The following HUNK variants were observed in gnomAD, a reference collection of about 807,000 sequenced individuals.
HUNK encodes the protein hormonally up-regulated Neu-associated kinase.
In HUNK, 21 loss-of-function variants were observed where a neutral mutation model predicts 61.0. The ratio of observed to expected loss-of-function variants is 0.34; its 90% CI spans 0.24 to 0.50. The LOEUF (loss-of-function observed/expected upper bound fraction) is 0.50. Among genes scored for constraint, HUNK ranks in the 20% least tolerant of loss-of-function variants. HUNK has a pLI of 0.98. For synonymous variants in HUNK, 371 were observed against 386.1 expected, an observed-to-expected ratio of 0.96 and a Z score of 0.46; for missense variants, 772 against 945.7, an observed-to-expected ratio of 0.82 and a Z score of 2.41.
chr21:31,974,968 C>G (rs552693081), intron 7 of HUNK, among the ~76,000 whole-genome samples: 34 of 151,754 alleles, frequency 2.2e-4, no homozygotes, highest in Admixed American at 2.0e-3. Context: ...GTTCAAGCCT[C>G]TTTTTCCTTC....
At chr21:31,903,473 A>G (rs903565561) in intron 1 of HUNK, among the ~76,000 whole-genome samples, 4 of 152,214 alleles carry the variant, frequency 2.6e-5, no homozygotes, top group African/African-American at 9.6e-5. Context: ...TGTGGAGTTG[A>G]AAATAATTTT....
At chr21:31,919,067 A>T (rs58863970) in intron 1 of HUNK, among the ~76,000 whole-genome samples, 183 of 82,000 alleles carry the variant, frequency 2.2e-3, no homozygotes, top group African/African-American at 0.01. Context: ...CGGTATGAGG[A>T]TGAGGGGCTG....
chr21:31,914,368 A>G (rs1251863162), intron 1 of HUNK, among the ~76,000 whole-genome samples: 2 of 123,822 alleles, frequency 1.6e-5, no homozygotes, highest in African/African-American at 3.1e-5. Context: ...AGATCTTGCC[A>G]TTGTACTCCA....
rs2123258889 is a variant in HUNK, at chr21:31,995,748, T to C, written c.1306-20T>C. 6.2e-7 allele frequency: 1 copy of C among 1,605,452 alleles called. No individual in the cohort carries two copies. Among genetic ancestry groups the C allele is most frequent in the Middle Eastern group, 1.7e-4 (1 of 6,020 alleles). On this transcript the variant is annotated intron_variant, in intron 9 of 10. Coordinates refer to ENST00000270112, the MANE Select transcript of HUNK (RefSeq NM_014586.2). ...CTTCTAGTATGTGTCTAAGTGCATA[T>C]GTTTGCTTCTGATTTGTAGGATAAA...
In HUNK at chr21:31,958,901, A is replaced by G; in HGVS notation, c.805A>G (p.Ser269Gly). The part of the protein sequence containing the change: ...GTLPFTVEPF[S>G]LRALYQKMVD... The stretch of plus-strand genomic sequence containing the variant: ...GCTGCCTTTCACGGTGGAGCCTTTC[A>G]GCCTGAGGGCTTTGTACCAGAAGAT... Residue 269 changes from serine to glycine, a missense_variant, in exon 5 of 11, where the codon AGC becomes GGC. Ser to Gly is a moderately conservative substitution (Grantham distance 56). This residue lies in a region of HUNK where 359 missense variants were observed against 501.3 expected (regional missense o/e 0.72). Transcript: ENST00000270112. 1 of 1,611,650 alleles carries G rather than the reference A, an allele frequency of 6.2e-7. No homozygotes were observed. The highest frequency in any genetic ancestry group is 8.5e-7 in the Non-Finnish European group (1 of 1,179,210).
At chr21:31,978,811 C>T (rs186029417) in intron 7 of HUNK, among the ~76,000 whole-genome samples, 17 of 152,234 alleles carry the variant, frequency 1.1e-4, no homozygotes, top group African/African-American at 4.1e-4. Context: ...TATGTGTCTT[C>T]AACATACTGA....
chr21:31,895,435 A>G (rs541555169), intron 1 of HUNK, among the ~76,000 whole-genome samples: 6 of 152,340 alleles, frequency 3.9e-5, no homozygotes, highest in African/African-American at 1.4e-4. Context: ...AAATGGTGTG[A>G]CAATTTAATA....
In HUNK at chr21:31,958,161, A is replaced by G. The variant is rs146719707; in HGVS notation, c.747-682A>G. Among the ~76,000 whole-genome samples, 280 of 151,908 alleles carry G rather than the reference A, an allele frequency of 1.8e-3. 2 individuals are homozygous for G. Among genetic ancestry groups the G allele is most frequent in the Middle Eastern group, 6.8e-3 (2 of 294 alleles). On this transcript the variant is annotated intron_variant, in intron 4 of 10. Coordinates refer to ENST00000270112, the MANE Select transcript of HUNK (RefSeq NM_014586.2). ...TTGTTGTTGACTTCTTCCTGCCATAACATTCGGAGAGAGCAGAGGGCCATG... is the reference window on the plus strand; with the variant it reads ...TTGTTGTTGACTTCTTCCTGCCATAGCATTCGGAGAGAGCAGAGGGCCATG...
intron 7 of HUNK, among the ~76,000 whole-genome samples, chr21:31,976,137 G>GA (rs1268368364): frequency 2.6e-5 from 4 of 152,070 alleles, no homozygotes; most frequent in Non-Finnish European, 4.4e-5. Context: ...TTTTATGGGG[G>GA]AAAAAACGTG....
rs1356376631 is a variant in HUNK, at chr21:31,873,952, C to T, written c.261+17C>T. 5 of 1,483,374 alleles carry T rather than the reference C, an allele frequency of 3.4e-6. No individual in the cohort carries two copies. The allele number at this position is 1,483,374 out of a possible 1,614,324, so 91.9% of individuals were successfully genotyped here. On this transcript the variant is annotated intron_variant, in intron 1 of 10. Coordinates refer to ENST00000270112, the MANE Select transcript of HUNK (RefSeq NM_014586.2). The surrounding 1 kb of genome is among the most constrained non-coding windows in gnomAD (Gnocchi z 6.1). ...GGGGAGAAGGTGAGTCTCCCGGGCG[C>T]CGTGGGGCTGGGGCACAGGGGCGGG...
Position 31,968,743 on chromosome 21 carries a change from TGTGTGTGTGTGA to T in HUNK, c.1010+360_1010+371del, listed in dbSNP as rs1401922107. Among the ~76,000 whole-genome samples the T allele has an allele frequency of 2.2e-4, 31 of 142,696 alleles. 1 individual carries two copies. The highest frequency in any genetic ancestry group is 6.5e-4 in the South Asian group (3 of 4,598). The allele number at this position is 142,696 out of a possible 152,430, so 93.6% of individuals were successfully genotyped here. On this transcript the variant is annotated intron_variant, in intron 6 of 10. Transcript: ENST00000270112. ...GTGTGTGTGTGTGTGTGTGTGTGTG[TGTGTGTGTGTGA>T]GAGAGAGAGAGTGAGTGTCTATGTC...
At chr21:31,910,719 C>T (rs550923221) in intron 1 of HUNK, among the ~76,000 whole-genome samples, 3 of 152,096 alleles carry the variant, frequency 2.0e-5, no homozygotes, top group Admixed American at 6.6e-5. Context: ...GAACTCCCAA[C>T]CTCAGGTGAT....
At chr21:31,913,599 C>T (rs985688767) in intron 1 of HUNK, among the ~76,000 whole-genome samples, 8 of 151,652 alleles carry the variant, frequency 5.3e-5, no homozygotes, top group African/African-American at 1.2e-4. Flanking sequence ...GTGACAGGCT[C>T]GGAGGCCCAC....
chr21:31,875,433 A>G (rs2052253899), intron 1 of HUNK, among the ~76,000 whole-genome samples: 1 of 152,192 alleles, frequency 6.6e-6, no homozygotes, highest in Non-Finnish European at 1.5e-5. Context: ...AGTTTTTAGA[A>G]GTGCCTCCTG....
chr21:31,958,504 G>C (rs181293466), intron 4 of HUNK, among the ~76,000 whole-genome samples: 6 of 152,014 alleles, frequency 3.9e-5, no homozygotes, highest in African/African-American at 1.4e-4. Context: ...CAGGGTGTGC[G>C]GGGGCTTCAT....
At chr21:31,937,529 T>C (rs2052740572) in intron 2 of HUNK, among the ~76,000 whole-genome samples, 1 of 152,240 alleles carries the variant, frequency 6.6e-6, no homozygotes, top group Non-Finnish European at 1.5e-5. Context: ...AAAAATACTT[T>C]ATCTCAAATA....
intron 4 of HUNK, among the ~76,000 whole-genome samples, chr21:31,950,657 C>T (rs766964643): frequency 6.6e-6 from 1 of 152,116 alleles, no homozygotes; most frequent in Non-Finnish European, 1.5e-5. Context: ...GATTTTGTGT[C>T]TGAGATACAA....
In HUNK at chr21:31,924,413, G is replaced by C; in HGVS notation, c.262-55G>C. 1 of 1,522,544 alleles carries C rather than the reference G, an allele frequency of 6.6e-7. No individual in the cohort carries two copies. Among genetic ancestry groups the C allele is most frequent in the Non-Finnish European group, 8.9e-7 (1 of 1,123,288 alleles). 94.3% of individuals were successfully genotyped at this position (1,522,544 alleles called of 1,614,324 possible). ...TCTTGGGTTCCTGTGAGTAGCCAAG[G>C]CATCGCTATTGTCTGTAATGTCTGA... On this transcript the variant is annotated intron_variant, in intron 1 of 10. Transcript: ENST00000270112. This position sits in a 1 kb window ranked among gnomAD's most constrained non-coding sequence, Gnocchi z 5.1.
At chr21:31,898,305 G>A (rs2052439695) in intron 1 of HUNK, among the ~76,000 whole-genome samples, 1 of 152,060 alleles carries the variant, frequency 6.6e-6, no homozygotes, top group African/African-American at 2.4e-5. Context: ...CGCTCTTGTT[G>A]CCCAGGCTGA....
Sources: gnomAD v4.1 joint callset for allele counts (sites outside exome capture counted in the v4.1 genomes callset) on GRCh38, gnomAD v4.1.1 for gene constraint, gnomAD v4.1.1 regional missense constraint, Gnocchi (gnomAD v3.1) non-coding constraint, MANE v1.5 for transcripts, NCBI Gene and HGNC (gene_info 2026-07-23, HGNC 2026-07-21) for gene names.